The following RPS6KA2 variants were observed in gnomAD, a reference collection of about 807,000 sequenced individuals.
The protein encoded by RPS6KA2 is ribosomal protein S6 kinase A2, also known as ribosomal protein S6 kinase alpha-2.
In RPS6KA2, 42 loss-of-function variants were observed where a neutral mutation model predicts 91.8. That is an observed-to-expected ratio of 0.46 (90% CI 0.36 to 0.59). The LOEUF is 0.59. Ranked by LOEUF, RPS6KA2 falls within the 20% of genes least tolerant of loss-of-function variation. RPS6KA2 has a pLI of 0.00. For synonymous variants in RPS6KA2, 414 were observed against 393.6 expected, an observed-to-expected ratio of 1.05 and a Z score of -0.61; for missense variants, 798 against 978.5, an observed-to-expected ratio of 0.82 and a Z score of 2.46.
chr6:166,674,151 A>T (rs1290634869), intron 2 of RPS6KA2, among the ~76,000 whole-genome samples: 1 of 152,264 alleles, frequency 6.6e-6, no homozygotes, highest in Non-Finnish European at 1.5e-5. Flanking sequence ...TGAGTTCCTC[A>T]TCAAGACAAT....
In RPS6KA2 at chr6:166,665,764, G is replaced by C. The variant is rs1431183310; in HGVS notation, c.124-126980C>G. Among the ~76,000 whole-genome samples, 1 of 152,136 alleles carries C rather than the reference G, an allele frequency of 6.6e-6. No homozygotes were observed. The highest frequency in any genetic ancestry group is 1.5e-5 in the Non-Finnish European group (1 of 68,038). On this transcript the variant is annotated intron_variant, in intron 2 of 21. Transcript: ENST00000503859. This position sits in a 1 kb window ranked among gnomAD's most constrained non-coding sequence, Gnocchi z 4.5. ...AGAGCTTGTTCTGAACCTCGTTTTG[G>C]GGAGAAACTTGGTTGTTCATGTCAC...
chr6:166,520,365 GC>G (rs1782815969), intron 3 of RPS6KA2, among the ~76,000 whole-genome samples: 1 of 151,772 alleles, frequency 6.6e-6, no homozygotes, highest in African/African-American at 2.4e-5. Context: ...TGGAACTTAT[GC>G]CACCAGCTCT....
chr6:166,420,688 G>A (rs1480399696), intron 17 of RPS6KA2, among the ~76,000 whole-genome samples: 1 of 152,170 alleles, frequency 6.6e-6, no homozygotes, highest in Non-Finnish European at 1.5e-5. Context: ...GAATAGTGCT[G>A]CTATGAACAT....
chr6:166,582,058 C>A lies in RPS6KA2; in HGVS notation c.100-43274G>T, dbSNP rs56080248. Among the ~76,000 whole-genome samples the A allele has an allele frequency of 5.0e-3, 208 of 41,588 alleles. 5 individuals are homozygous for A. The highest frequency in any genetic ancestry group is 8.1e-3 in the South Asian group (7 of 866). 27.3% of individuals were successfully genotyped at this position (41,588 alleles called of 152,430 possible). A position where few individuals can be genotyped will look rare whatever the true frequency, so the allele number is the denominator to read the frequency against. ...GGGCAGGTGGGCTGGGCAGGAGGGC[C>A]CAGGGAGAGATGAGATGGGGTGGGA... On this transcript the variant is annotated intron_variant, in intron 1 of 20. Coordinates refer to ENST00000265678, the MANE Select transcript of RPS6KA2 (RefSeq NM_021135.6).
Position 166,423,141 on chromosome 6 carries a change from G to A in RPS6KA2, c.1743+115C>T. The A allele has an allele frequency of 9.3e-7, 1 of 1,078,116 alleles. No homozygotes were observed. Among genetic ancestry groups the A allele is most frequent in the East Asian group, 2.5e-5 (1 of 39,296 alleles). The allele number at this position is 1,078,116 out of a possible 1,614,324, so 66.8% of individuals were successfully genotyped here. ...GTTTCTGTTTCCCAACACCACTGCT[G>A]ACGCAGCTCAAGCCGCCTCTGACAT... is the stretch of plus-strand genomic sequence containing the variant. On this transcript the variant is annotated intron_variant, in intron 17 of 20. Transcript: ENST00000265678. The surrounding 1 kb of genome is among the most constrained non-coding windows in gnomAD (Gnocchi z 4.8).
In RPS6KA2 at chr6:166,594,224, T is replaced by C. The variant is rs73788061; in HGVS notation, c.99+32697A>G. Among the ~76,000 whole-genome samples, 249 of 152,328 alleles carry C rather than the reference T, an allele frequency of 1.6e-3. 3 individuals carry two copies. Among genetic ancestry groups the C allele is most frequent in the Middle Eastern group, 6.8e-3 (2 of 294 alleles). ...ATATGAAACAGTTTCTAGAAGGTGA[T>C]TCAAATTTTTAAAGAACTGCACATA... On this transcript the variant is annotated intron_variant, in intron 1 of 20. Coordinates refer to ENST00000265678, the MANE Select transcript of RPS6KA2 (RefSeq NM_021135.6).
intron 2 of RPS6KA2, among the ~76,000 whole-genome samples, chr6:166,731,621 C>A (rs1011665095): frequency 5.3e-5 from 8 of 151,974 alleles, no homozygotes; most frequent in South Asian, 2.1e-4. Flanking sequence ...AGCACACAGC[C>A]CCCGGCATCT....
Position 166,557,071 on chromosome 6 carries a change from C to T in RPS6KA2, c.100-18287G>A, listed in dbSNP as rs1027887071. Among the ~76,000 whole-genome samples, 4 of 152,232 alleles carry T rather than the reference C, an allele frequency of 2.6e-5. No homozygotes were observed. Among genetic ancestry groups the T allele is most frequent in the East Asian group, 3.9e-4 (2 of 5,192 alleles). On this transcript the variant is annotated intron_variant, in intron 1 of 20. Coordinates refer to ENST00000265678, the MANE Select transcript of RPS6KA2 (RefSeq NM_021135.6). The surrounding 1 kb of genome is among the most constrained non-coding windows in gnomAD (Gnocchi z 4.8). ...TAGCCGGGGCTGACTCATCACATCC[C>T]GCCTCGCCAAACACGTTTTCTCTTC...
At chr6:166,422,912 C>T (rs1311118222) in intron 17 of RPS6KA2, among the ~76,000 whole-genome samples, 2 of 152,220 alleles carry the variant, frequency 1.3e-5, no homozygotes, top group Non-Finnish European at 2.9e-5. Context: ...AACCGCAGCT[C>T]TGCGTCCTGG....
chr6:166,636,378 G>A (rs1303119866), intron 2 of RPS6KA2, among the ~76,000 whole-genome samples: 2 of 152,170 alleles, frequency 1.3e-5, no homozygotes, highest in East Asian at 3.9e-4. Context: ...TCTCAGACAG[G>A]CTTGAATCAG....
chr6:166,770,866 T>C lies in RPS6KA2; in HGVS notation c.123+87334A>G, dbSNP rs1356369293. Reference sequence around the variant, plus strand: ...AACCCACAGGAACGCTTCTTACCTCTACGGATCCAGCTACCTTTGTCTTGC... The same window carrying C: ...AACCCACAGGAACGCTTCTTACCTCCACGGATCCAGCTACCTTTGTCTTGC... On this transcript the variant is annotated intron_variant, in intron 2 of 21. Transcript: ENST00000503859. The surrounding 1 kb of genome is among the most constrained non-coding windows in gnomAD (Gnocchi z 5.1). The C allele has an allele frequency of 1.3e-6, 2 of 1,595,962 alleles. No individual in the cohort carries two copies. The highest frequency in any genetic ancestry group is 1.3e-5 in the African/African-American group (1 of 74,780).
intron 17 of RPS6KA2, among the ~76,000 whole-genome samples, chr6:166,421,605 G>T (rs550581301): frequency 6.6e-6 from 1 of 152,276 alleles, no homozygotes; most frequent in South Asian, 2.1e-4. Context: ...CCTTTGTCTT[G>T]CCAGGTCTCT....
intron 2 of RPS6KA2, among the ~76,000 whole-genome samples, chr6:166,691,281 A>G (rs925283505): frequency 1.3e-5 from 2 of 152,068 alleles, no homozygotes; most frequent in African/African-American, 4.8e-5. Flanking sequence ...CACGGCCCGC[A>G]TGCCAGGTTA....
intron 2 of RPS6KA2, among the ~76,000 whole-genome samples, chr6:166,768,460 C>A (rs1160626940): frequency 1.3e-5 from 2 of 152,300 alleles, no homozygotes; most frequent in South Asian, 4.1e-4. Flanking sequence ...TCCTGGTGAG[C>A]GGCCCAATGT....
In RPS6KA2 at chr6:166,493,085, G is replaced by A. The variant is rs1781661745; in HGVS notation, c.748-2344C>T. ...GATTCCCTTGTGATCAGGGTCCACT[G>A]CTTTGTGGTTCTCTCTCTTCCTCCC... On this transcript the variant is annotated intron_variant, in intron 8 of 20. Transcript: ENST00000265678. This position sits in a 1 kb window ranked among gnomAD's most constrained non-coding sequence, Gnocchi z 4.7. Among the ~76,000 whole-genome samples, 1 of 152,000 alleles carries A rather than the reference G, an allele frequency of 6.6e-6. No individual in the cohort carries two copies. Among genetic ancestry groups the A allele is most frequent in the African/African-American group, 2.4e-5 (1 of 41,406 alleles).
intron 2 of RPS6KA2, among the ~76,000 whole-genome samples, chr6:166,782,165 G>A (rs1367947640): frequency 1.3e-5 from 2 of 152,112 alleles, no homozygotes; most frequent in Admixed American, 6.6e-5. Context: ...AGTGGTGAGC[G>A]CCTGTAACCC....
In RPS6KA2 at chr6:166,849,674, C is replaced by T. The variant is rs1415470811; in HGVS notation, c.123+8526G>A. On this transcript the variant is annotated intron_variant, in intron 2 of 21. Coordinates refer to the RPS6KA2 transcript ENST00000503859. This position sits in a 1 kb window ranked among gnomAD's most constrained non-coding sequence, Gnocchi z 4.9. The stretch of plus-strand genomic sequence containing the variant: ...AGGCATTTATTGGGCTAAATCCTCA[C>T]GTAGAATGAGCTTTCCCAACACAGG... 6.6e-6 allele frequency among the ~76,000 whole-genome samples: 1 copy of T among 152,296 alleles called. No individual in the cohort carries two copies. Among genetic ancestry groups the T allele is most frequent in the Middle Eastern group, 3.4e-3 (1 of 294 alleles).
chr6:166,741,965 T>C (rs550339599), intron 2 of RPS6KA2, among the ~76,000 whole-genome samples: 2 of 152,196 alleles, frequency 1.3e-5, no homozygotes, highest in African/African-American at 4.8e-5. Flanking sequence ...CCGTCTCTAC[T>C]AAAAATACAA....
chr6:166,810,658 G>C (rs540279604), intron 2 of RPS6KA2, among the ~76,000 whole-genome samples: 39 of 152,260 alleles, frequency 2.6e-4, no homozygotes, highest in Middle Eastern at 3.4e-3. Context: ...GCCTGTTACC[G>C]GGGTTAACCC....
Sources: gnomAD v4.1 joint callset for allele counts (sites outside exome capture counted in the v4.1 genomes callset) on GRCh38, gnomAD v4.1.1 for gene constraint, Gnocchi (gnomAD v3.1) non-coding constraint, MANE v1.5 for transcripts, NCBI Gene and HGNC (gene_info 2026-07-23, HGNC 2026-07-21) for gene names.